Variants in CBL observed in about 807,000 individuals in gnomAD.
CBL encodes E3 ubiquitin-protein ligase CBL.
Under a neutral mutation model 96.9 loss-of-function variants are expected in CBL, and 45 were observed. That is an observed-to-expected ratio of 0.46 (90% CI 0.37 to 0.60). The LOEUF is 0.60. Among genes scored for constraint, CBL ranks in the 20% least tolerant of loss-of-function variants. CBL has a pLI of 0.00. For synonymous variants in CBL, 420 were observed against 426.8 expected, an observed-to-expected ratio of 0.98 and a Z score of 0.20; for missense variants, 1,024 against 1,143.5, an observed-to-expected ratio of 0.90 and a Z score of 1.51.
At chr11:119,294,503 T>C (rs928550239) in intron 12 of CBL, among the ~76,000 whole-genome samples, 1 of 143,412 alleles carries the variant, frequency 7.0e-6, no homozygotes. Context: ...TTAGAAAATA[T>C]AGGTAAGCAG....
At position 119,303,132 on chromosome 11, in the gene CBL, T is replaced by C. The variant is rs537359921; in HGVS notation, c.*3351T>C. ...ACAAATTTTTATAACAAAATTTCCT[T>C]GTAAAAACTAGGGACCATCTATATA... On this transcript the variant is annotated 3_prime_UTR_variant, in exon 16 of 16. Coordinates refer to ENST00000264033, the MANE Select transcript of CBL (RefSeq NM_005188.4). The C allele has an allele frequency of 6.5e-5, 15 of 231,832 alleles. No individual in the cohort carries two copies. Among genetic ancestry groups the C allele is most frequent in the African/African-American group, 2.9e-4 (13 of 45,360 alleles). 14.4% of individuals were successfully genotyped at this position (231,832 alleles called of 1,614,324 possible). A position where few individuals can be genotyped will look rare whatever the true frequency, so the allele number is the denominator to read the frequency against.
At chr11:119,218,343 G>T (rs1949380069) in intron 1 of CBL, among the ~76,000 whole-genome samples, 1 of 152,112 alleles carries the variant, frequency 6.6e-6, no homozygotes, top group Middle Eastern at 3.2e-3. Flanking sequence ...AGGAACTTTA[G>T]ACCAGTCAGG....
chr11:119,231,100 G>T (rs948081057), intron 1 of CBL, among the ~76,000 whole-genome samples: 1 of 152,094 alleles, frequency 6.6e-6, no homozygotes, highest in Non-Finnish European at 1.5e-5. Context: ...TCCTCAAGCG[G>T]TTGTTAAAAC....
intron 2 of CBL, among the ~76,000 whole-genome samples, chr11:119,252,721 C>A (rs530950788): frequency 4.6e-5 from 7 of 151,382 alleles, no homozygotes; most frequent in East Asian, 1.9e-4. Context: ...AACAAACAAA[C>A]AAAAAAACTT....
rs567223871 is a variant in CBL at position 119,285,997 on chromosome 11, T to C, written c.1941+431T>C. Among the ~76,000 whole-genome samples, 3 of 151,020 alleles carry C rather than the reference T, an allele frequency of 2.0e-5. No homozygotes were observed. The South Asian group carries it at 6.3e-4, about 32-fold the overall frequency. ...GGAATTCAGAGATGCTATAACATAATTCCTACCCTCAAGAAATATGGCTGG... is the reference window on the plus strand; with the variant it reads ...GGAATTCAGAGATGCTATAACATAACTCCTACCCTCAAGAAATATGGCTGG... On this transcript the variant is annotated intron_variant, in intron 11 of 15. Coordinates refer to ENST00000264033, the MANE Select transcript of CBL (RefSeq NM_005188.4).
intron 1 of CBL, among the ~76,000 whole-genome samples, chr11:119,222,825 G>A (rs1365375373): frequency 6.6e-6 from 1 of 152,034 alleles, no homozygotes; most frequent in African/African-American, 2.4e-5. Context: ...TTTTAAAAGA[G>A]GTTATACATA....
At chr11:119,263,995 G>A (rs961011487) in intron 2 of CBL, among the ~76,000 whole-genome samples, 6 of 152,174 alleles carry the variant, frequency 3.9e-5, no homozygotes, top group South Asian at 2.1e-4. Flanking sequence ...ATCTATATGA[G>A]TCTTAAGCCT....
At position 119,299,894 on chromosome 11, in the gene CBL, T is replaced by C; in HGVS notation, c.*113T>C. ...GTGACTTCACAGTGAAGTCTTGCCC[T>C]CTCTGTGGGATATCACATCAGTGGT... On this transcript the variant is annotated 3_prime_UTR_variant, in exon 16 of 16. Transcript: ENST00000264033. 1.0e-6 allele frequency: 1 copy of C among 989,136 alleles called. No individual in the cohort carries two copies. 61.3% of individuals were successfully genotyped at this position (989,136 alleles called of 1,614,324 possible). A position where few individuals can be genotyped will look rare whatever the true frequency, so the allele number is the denominator to read the frequency against.
At position 119,307,226 on chromosome 11, in the gene CBL, T is replaced by C. The variant is rs1406340560; in HGVS notation, c.*7445T>C. ...TTGGTTCCAATCACAAGCTTAGTTA[T>C]CAGGTTGCATGCCTTGTCTCCTGCA... On this transcript the variant is annotated 3_prime_UTR_variant, in exon 16 of 16. Transcript: ENST00000264033. The C allele has an allele frequency of 4.3e-6, 1 of 232,444 alleles. No individual in the cohort carries two copies. The highest frequency in any genetic ancestry group is 2.2e-5 in the African/African-American group (1 of 45,252). 14.4% of individuals were successfully genotyped at this position (232,444 alleles called of 1,614,324 possible). A position where few individuals can be genotyped will look rare whatever the true frequency, so the allele number is the denominator to read the frequency against.
rs553320061 is a variant in CBL at position 119,245,682 on chromosome 11, T to C, written c.443+12987T>C. 1.1e-4 allele frequency among the ~76,000 whole-genome samples: 17 copies of C among 152,098 alleles called. No homozygotes were observed. In the South Asian group the frequency reaches 3.1e-3, roughly 28 times the overall value. ...AGGTGGAGGTTGCAGTGAGCTGAGA[T>C]TGTGCCATTGCGCTCCAGCCTGGGT... On this transcript the variant is annotated intron_variant, in intron 2 of 15. Transcript: ENST00000264033.
intron 1 of CBL, 84 bp downstream of exon 1, chr11:119,206,696 C>A (rs1592364794): frequency 2.4e-6 from 2 of 832,460 alleles, no homozygotes; most frequent in Non-Finnish European, 3.1e-6. Flanking sequence ...ACGGAGGAAG[C>A]GGGGGAGGGG....
In CBL at chr11:119,282,818, C is replaced by CA. The variant is rs1463217808; in HGVS notation, c.1432-2150dup. ...TAAATCACGGCCACCCGCGGTGGCT[C>CA]ACGCCTGTAATGCCAGCCCTTTGGG... On this transcript the variant is annotated intron_variant, in intron 9 of 15. Transcript: ENST00000264033. Among the ~76,000 whole-genome samples, 3 of 152,206 alleles carry CA rather than the reference C, an allele frequency of 2.0e-5. No individual in the cohort carries two copies. The East Asian group carries it at 5.8e-4, about 29-fold the overall frequency.
intron 4 of CBL, among the ~76,000 whole-genome samples, chr11:119,274,600 C>A (rs898171034): frequency 6.6e-6 from 1 of 152,152 alleles, no homozygotes; most frequent in African/African-American, 2.4e-5. Flanking sequence ...TTTACAAATT[C>A]TAGAATTTTC....
chr11:119,245,365 G>T (rs913014375), intron 2 of CBL, among the ~76,000 whole-genome samples: 3 of 151,970 alleles, frequency 2.0e-5, no homozygotes, highest in African/African-American at 7.2e-5. Flanking sequence ...AAAACCGAGA[G>T]ATTTAAAAAT....
At chr11:119,278,120 C>T (rs1364706699) in intron 7 of CBL, 46 bp from the exon 8 acceptor site, 3 of 1,407,592 alleles carry the variant, frequency 2.1e-6, no homozygotes, top group Non-Finnish European at 3.0e-6. Context: ...TTTATAATTG[C>T]AGTTATTTAT....
At chr11:119,266,032 A>AAAAAAAAAAG (rs1213584463) in intron 2 of CBL, among the ~76,000 whole-genome samples, 7 of 148,938 alleles carry the variant, frequency 4.7e-5, no homozygotes, top group African/African-American at 9.8e-5. Flanking sequence ...AAAAAAAAAA[A>AAAAAAAAAAG]AAAGAAAGAA....
At chr11:119,282,070 G>A (rs1192111891) in intron 9 of CBL, among the ~76,000 whole-genome samples, 2 of 152,096 alleles carry the variant, frequency 1.3e-5, no homozygotes, top group Non-Finnish European at 2.9e-5. Flanking sequence ...GGGTGCGGTG[G>A]CTCATGCGTG....
Position 119,300,780 on chromosome 11 carries a change from T to C in CBL, c.*999T>C. On this transcript the variant is annotated 3_prime_UTR_variant, in exon 16 of 16. Transcript: ENST00000264033. The stretch of plus-strand genomic sequence containing the variant: ...GTGTTCTGATGTAGGTCATGAGTCT[T>C]TCTACTTAATGGGAAGGGAAGAACA... 1 of 387,748 alleles carries C rather than the reference T, an allele frequency of 2.6e-6. No individual in the cohort carries two copies. The highest frequency in any genetic ancestry group is 4.6e-6 in the Non-Finnish European group (1 of 219,336). 24.0% of individuals were successfully genotyped at this position (387,748 alleles called of 1,614,324 possible).
At position 119,298,343 on chromosome 11, in the gene CBL, C is replaced by T. The variant is rs1245884975; in HGVS notation, c.2252-15C>T. The T allele has an allele frequency of 3.7e-6, 6 of 1,612,420 alleles. No individual in the cohort carries two copies. The East Asian group carries it at 1.3e-4, about 36-fold the overall frequency. ...AGTGCGTCAGAAGAAGATAACATCA[C>T]TCATTTTTCTCCAGGTGAAGGGAAT... On this transcript the variant is annotated splice_polypyrimidine_tract_variant and intron_variant, in intron 14 of 15. Transcript: ENST00000264033.
Sources: allele counts gnomAD v4.1 joint callset (sites outside exome capture counted in the v4.1 genomes callset), GRCh38; gene constraint gnomAD v4.1.1; transcripts MANE v1.5; gene names NCBI Gene and HGNC (gene_info 2026-07-23, HGNC 2026-07-21).